The following CACNB2 variants were observed in gnomAD, a reference collection of about 807,000 sequenced individuals.
CACNB2 encodes the protein calcium voltage-gated channel auxiliary subunit beta 2.
In CACNB2, 42 loss-of-function variants were observed where a neutral mutation model predicts 73.3. That is an observed-to-expected ratio of 0.57 (90% CI 0.45 to 0.74). CACNB2 has a LOEUF of 0.74. Among genes scored for constraint, CACNB2 ranks in the 30% least tolerant of loss-of-function variants. CACNB2 has a pLI of 0.00. For missense variants in CACNB2, 940 were observed against 853.0 expected, an observed-to-expected ratio of 1.10 and a Z score of -1.27; for synonymous variants, 348 against 310.3, an observed-to-expected ratio of 1.12 and a Z score of -1.28.
intron 2 of CACNB2, among the ~76,000 whole-genome samples, chr10:18,293,909 G>A (rs1306949155): frequency 1.3e-5 from 2 of 152,222 alleles, no homozygotes; most frequent in Non-Finnish European, 2.9e-5. Context: ...CATTGCTTCA[G>A]TTTTCACCAG....
chr10:18,238,939 T>C (rs553780207), intron 2 of CACNB2, among the ~76,000 whole-genome samples: 1 of 152,290 alleles, frequency 6.6e-6, no homozygotes, highest in East Asian at 1.9e-4. Flanking sequence ...AAGTCACGAA[T>C]TTGCTTTTTA....
chr10:18,225,578 C>CTCCTTCCT (rs56364247), intron 2 of CACNB2, among the ~76,000 whole-genome samples: 18 of 137,244 alleles, frequency 1.3e-4, no homozygotes, highest in African/African-American at 3.8e-4. Context: ...CCCTCCCTCG[C>CTCCTTCCT]TCCTTCCTTC....
At chr10:18,346,841 C>T (rs764070970) in intron 2 of CACNB2, among the ~76,000 whole-genome samples, 3 of 151,930 alleles carry the variant, frequency 2.0e-5, no homozygotes, top group African/African-American at 7.3e-5. Flanking sequence ...AAGTGATCCA[C>T]CCTCCTTGGC....
At chr10:18,440,234 C>G (rs930959559) in intron 3 of CACNB2, among the ~76,000 whole-genome samples, 11 of 152,140 alleles carry the variant, frequency 7.2e-5, no homozygotes, top group Non-Finnish European at 1.3e-4. Context: ...CACTCATGAC[C>G]TAACTACCTT....
intron 3 of CACNB2, among the ~76,000 whole-genome samples, chr10:18,407,358 G>A (rs1159043765): frequency 6.6e-6 from 1 of 151,896 alleles, no homozygotes; most frequent in Admixed American, 6.6e-5. Flanking sequence ...CTGTCCTCAA[G>A]TGATCCATCT....
intron 2 of CACNB2, among the ~76,000 whole-genome samples, chr10:18,217,601 T>G (rs1333476276): frequency 1.3e-5 from 2 of 151,982 alleles, no homozygotes; most frequent in African/African-American, 4.8e-5. Flanking sequence ...AGTGTGTATT[T>G]CCATCTTAAG....
chr10:18,410,306 C>A (rs1444987448), intron 3 of CACNB2, among the ~76,000 whole-genome samples: 1 of 152,134 alleles, frequency 6.6e-6, no homozygotes, highest in Non-Finnish European at 1.5e-5. Context: ...AACATATTTT[C>A]AGGAGGAAGC....
At chr10:18,363,949 A>ATTTT (rs529275417) in intron 2 of CACNB2, among the ~76,000 whole-genome samples, 2 of 139,228 alleles carry the variant, frequency 1.4e-5, no homozygotes, top group East Asian at 2.1e-4. Context: ...AGGCAGTTTA[A>ATTTT]TTTTTTTTTT....
chr10:18,177,465 CAAA>C (rs35967003), intron 2 of CACNB2, among the ~76,000 whole-genome samples: 73 of 130,306 alleles, frequency 5.6e-4, no homozygotes, highest in African/African-American at 1.6e-3. Context: ...ATTAAAAATG[CAAA>C]AAAAAAAAAA....
At chr10:18,346,683 G>A (rs905445120) in intron 2 of CACNB2, among the ~76,000 whole-genome samples, 3 of 151,836 alleles carry the variant, frequency 2.0e-5, no homozygotes, top group African/African-American at 4.8e-5. Flanking sequence ...TGCAACCTCC[G>A]CCTCCCAGGC....
chr10:18,241,250 C>T (rs1250466893), intron 2 of CACNB2, among the ~76,000 whole-genome samples: 2 of 152,102 alleles, frequency 1.3e-5, no homozygotes, highest in African/African-American at 2.4e-5. Context: ...GTGTCATGGG[C>T]ACACATCCTT....
At chr10:18,191,659 A>T (rs2034401850) in intron 2 of CACNB2, among the ~76,000 whole-genome samples, 1 of 152,154 alleles carries the variant, frequency 6.6e-6, no homozygotes, top group Non-Finnish European at 1.5e-5. Context: ...CTCATAGCTT[A>T]GCTCCCACAT....
chr10:18,500,047 C>G (rs1039451373), intron 4 of CACNB2, among the ~76,000 whole-genome samples: 40 of 152,214 alleles, frequency 2.6e-4, no homozygotes, highest in African/African-American at 9.2e-4. Flanking sequence ...CAAATACTGG[C>G]TAGGTGGGAA....
chr10:18,317,363 A>AC (rs1463630983), intron 2 of CACNB2, among the ~76,000 whole-genome samples: 1 of 151,964 alleles, frequency 6.6e-6, no homozygotes, highest in African/African-American at 2.4e-5. Flanking sequence ...TGAACAAAGA[A>AC]CCCAATAGAT....
intron 2 of CACNB2, among the ~76,000 whole-genome samples, chr10:18,327,654 C>T (rs1320697324): frequency 6.6e-6 from 1 of 152,076 alleles, no homozygotes; most frequent in Non-Finnish European, 1.5e-5. Context: ...AAACTCCTGA[C>T]CTCAAACAGT....
chr10:18,219,155 A>G (rs1290774902), intron 2 of CACNB2, among the ~76,000 whole-genome samples: 1 of 150,656 alleles, frequency 6.6e-6, no homozygotes, highest in African/African-American at 2.5e-5. Flanking sequence ...ACAGAGCAAG[A>G]CCCTGTCTCA....
At chr10:18,191,704 C>G (rs2034405231) in intron 2 of CACNB2, among the ~76,000 whole-genome samples, 1 of 152,208 alleles carries the variant, frequency 6.6e-6, no homozygotes, top group African/African-American at 2.4e-5. Context: ...AGTTTCCATT[C>G]CTGAGTTACT....
At chr10:18,538,085 G>T (rs977833605) in intron 12 of CACNB2, 95 bp from the exon 13 acceptor site, 4 of 1,144,440 alleles carry the variant, frequency 3.5e-6, no homozygotes, top group Non-Finnish European at 5.3e-6. Flanking sequence ...GTACAAAGGG[G>T]TGCAGCTCAT....
chr10:18,166,800 C>T (rs546878161), intron 2 of CACNB2, among the ~76,000 whole-genome samples: 74 of 152,022 alleles, frequency 4.9e-4, no homozygotes, highest in Admixed American at 1.1e-3. Flanking sequence ...TGCTAAATGA[C>T]GAGTTAATGG....
Sources: gnomAD v4.1 joint callset for allele counts (sites outside exome capture counted in the v4.1 genomes callset) on GRCh38, gnomAD v4.1.1 for gene constraint, MANE v1.5 for transcripts, NCBI Gene and HGNC (gene_info 2026-07-23, HGNC 2026-07-21) for gene names.